The following MVB12B variants were observed in gnomAD, a reference collection of about 807,000 sequenced individuals.
MVB12B encodes ESCRT-I complex subunit MVB12B.
In MVB12B, 16 loss-of-function variants were observed where a neutral mutation model predicts 41.6. That is an observed-to-expected ratio of 0.38 (90% confidence interval 0.26 to 0.58). The LOEUF (loss-of-function observed/expected upper bound fraction) is 0.58, where lower values mean the gene tolerates loss of function less well. Ranked by LOEUF, MVB12B falls within the 20% of genes least tolerant of loss-of-function variation. The pLI is 0.62. For synonymous variants in MVB12B, 133 were observed against 139.7 expected (o/e 0.95, Z 0.34); for missense variants, 274 against 380.2 (o/e 0.72, Z 2.32).
chr9:126,479,342 T>G (rs1439776388), intron 7 of MVB12B, among the ~76,000 whole-genome samples: 1 of 152,136 alleles, frequency 6.6e-6, no homozygotes, highest in Non-Finnish European at 1.5e-5. Context: ...TGGTGGGAGC[T>G]GGCACACCTC....
intron 9 of MVB12B, among the ~76,000 whole-genome samples, chr9:126,496,638 C>T (rs146018738): frequency 2.6e-4 from 40 of 152,176 alleles, no homozygotes; most frequent in African/African-American, 9.2e-4. Flanking sequence ...CTTTAGTGGT[C>T]CTTAAGGACA....
chr9:126,484,135 G>T (rs555224238), intron 9 of MVB12B, 103 bp downstream of exon 9: 1 of 1,071,930 alleles, frequency 9.3e-7, no homozygotes, highest in South Asian at 1.3e-5. Flanking sequence ...AGAGGGACAG[G>T]TGGAGGTGTT....
chr9:126,397,813 A>G (rs924893579), intron 6 of MVB12B, among the ~76,000 whole-genome samples: 4 of 152,182 alleles, frequency 2.6e-5, no homozygotes, highest in Non-Finnish European at 5.9e-5. Flanking sequence ...GACCTAGGAA[A>G]GGATGAGTAT....
At chr9:126,437,692 A>G (rs1234948937) in intron 7 of MVB12B, among the ~76,000 whole-genome samples, 2 of 152,252 alleles carry the variant, frequency 1.3e-5, no homozygotes, top group East Asian at 1.9e-4. Context: ...TAGCGTTGAC[A>G]GGCGGGAGTA....
At chr9:126,465,665 T>C in intron 7 of MVB12B, among the ~76,000 whole-genome samples, 1 of 108,544 alleles carries the variant, frequency 9.2e-6, no homozygotes, top group East Asian at 3.3e-4. Context: ...GCCTCCAGAT[T>C]GGTGGGGGCG....
rs188225417 is a variant in MVB12B at position 126,473,493 on chromosome 9, G to T, written c.758-7876G>T. Among the ~76,000 whole-genome samples, 7 of 152,338 alleles carry T rather than the reference G, an allele frequency of 4.6e-5. No individual in the cohort carries two copies. The East Asian group carries it at 1.4e-3, about 29-fold the overall frequency. The stretch of plus-strand genomic sequence containing the variant: ...GTTCTGCAGGCTGTACAGGAAGCAT[G>T]GCAGCATCTGCTTCTGGGGAGCCCT... On this transcript the variant is annotated intron_variant, in intron 7 of 9. Transcript: ENST00000361171. The surrounding 1 kb of genome is among the most constrained non-coding windows in gnomAD (Gnocchi z 4.0).
intron 2 of MVB12B, among the ~76,000 whole-genome samples, chr9:126,379,952 A>T (rs1330381787): frequency 6.6e-6 from 1 of 152,228 alleles, no homozygotes; most frequent in East Asian, 1.9e-4. Flanking sequence ...GCCATTTGTC[A>T]GGATGGGCGG....
Position 126,429,017 on chromosome 9 carries a change from G to A in MVB12B, c.757+7069G>A, listed in dbSNP as rs531965996. ...AGCGGTGGTGGGTGAGCGTATGGGA[G>A]GGTTGCCCCAGATCTGAGACAGGAA... On this transcript the variant is annotated intron_variant, in intron 7 of 9. Coordinates refer to ENST00000361171, the MANE Select transcript of MVB12B (RefSeq NM_033446.3). 7.2e-5 allele frequency among the ~76,000 whole-genome samples: 11 copies of A among 152,256 alleles called. 1 individual carries two copies. In the South Asian group the frequency reaches 1.7e-3, roughly 23 times the overall value.
At chr9:126,431,748 A>G (rs1393285806) in intron 7 of MVB12B, among the ~76,000 whole-genome samples, 1 of 152,158 alleles carries the variant, frequency 6.6e-6, no homozygotes, top group Non-Finnish European at 1.5e-5. Context: ...TGGGAGCCCA[A>G]ACAGCTGGGT....
At chr9:126,375,325 T>C (rs1377229593) in intron 2 of MVB12B, among the ~76,000 whole-genome samples, 2 of 151,756 alleles carry the variant, frequency 1.3e-5, no homozygotes, top group Non-Finnish European at 2.9e-5. Context: ...ATTTTCACAG[T>C]ACGTTCTTAA....
chr9:126,330,728 C>T (rs1251578622), intron 1 of MVB12B, among the ~76,000 whole-genome samples: 1 of 152,138 alleles, frequency 6.6e-6, no homozygotes, highest in Non-Finnish European at 1.5e-5. Flanking sequence ...CTTGCAAAAC[C>T]GAAACGCTGT....
rs1378070395 is a variant in MVB12B at position 126,391,860 on chromosome 9, G to T, written c.410-206G>T. 6.6e-6 allele frequency among the ~76,000 whole-genome samples: 1 copy of T among 152,206 alleles called. No individual in the cohort carries two copies. Among genetic ancestry groups the T allele is most frequent in the Non-Finnish European group, 1.5e-5 (1 of 68,036 alleles). On this transcript the variant is annotated intron_variant, in intron 4 of 9. Coordinates refer to ENST00000361171, the MANE Select transcript of MVB12B (RefSeq NM_033446.3). The surrounding 1 kb of genome is among the most constrained non-coding windows in gnomAD (Gnocchi z 4.4). The stretch of plus-strand genomic sequence containing the variant: ...TGTGTGGTCCCCTTCTCAGCAGGGG[G>T]TGTCTGGGTTGGGTCCCACATGCAG...
intron 2 of MVB12B, among the ~76,000 whole-genome samples, chr9:126,355,177 A>AT (rs1372212460): frequency 3.3e-5 from 5 of 152,182 alleles, no homozygotes; most frequent in African/African-American, 1.2e-4. Flanking sequence ...TAGGGCCCTT[A>AT]TGCAGGGAAT....
At chr9:126,433,341 T>C (rs1349220126) in intron 7 of MVB12B, among the ~76,000 whole-genome samples, 1 of 152,124 alleles carries the variant, frequency 6.6e-6, no homozygotes, top group Admixed American at 6.5e-5. Context: ...TCCCCTTTGA[T>C]ACACCAGGTA....
Position 126,441,676 on chromosome 9 carries a change from A to T in MVB12B, c.757+19728A>T, listed in dbSNP as rs115198375. 6.9e-3 allele frequency among the ~76,000 whole-genome samples: 1,050 copies of T among 152,280 alleles called. 16 individuals are homozygous for T. The highest frequency in any genetic ancestry group is 0.024 in the African/African-American group (1,003 of 41,590). ...TAATTAGCATCTGGAAATGAGGATT[A>T]TCTTAATTACAAAGCACAATTTCCC... On this transcript the variant is annotated intron_variant, in intron 7 of 9. Transcript: ENST00000361171.
In MVB12B at chr9:126,421,904, G is replaced by A. The variant is rs1374009612; in HGVS notation, c.713G>A (p.Arg238Gln). 9 of 1,613,856 alleles carry A rather than the reference G, an allele frequency of 5.6e-6. No individual in the cohort carries two copies. Among genetic ancestry groups the A allele is most frequent in the East Asian group, 4.5e-5 (2 of 44,866 alleles). The change falls in exon 7 of 10, where the codon CGG becomes CAG. Residue 238 changes from arginine (R) to glutamine (Q), a missense_variant. By Grantham distance (43) the Arg-to-Gln change is conservative. Transcript: ENST00000361171. ...PATFRGRNST[R>Q]TDYEYQHSNL... is the part of the protein sequence containing the mutation. ...ACCTTCCGAGGCAGGAACAGCACCC[G>A]GACGGACTACGAGTACCAGCACTCC...
At chr9:126,493,122 TTC>T (rs1439379985) in intron 9 of MVB12B, among the ~76,000 whole-genome samples, 3 of 152,178 alleles carry the variant, frequency 2.0e-5, no homozygotes, top group Admixed American at 6.5e-5. Flanking sequence ...GTGGGCAATT[TTC>T]TCTGTTTATT....
intron 2 of MVB12B, among the ~76,000 whole-genome samples, chr9:126,344,268 A>G (rs1196575437): frequency 6.6e-6 from 1 of 152,208 alleles, no homozygotes; most frequent in Non-Finnish European, 1.5e-5. Context: ...GTTGCAAATA[A>G]ATAAAAGATG....
intron 1 of MVB12B, among the ~76,000 whole-genome samples, chr9:126,336,823 C>T (rs1829297710): frequency 1.3e-5 from 2 of 152,012 alleles, no homozygotes; most frequent in Non-Finnish European, 2.9e-5. Flanking sequence ...GGGCAGACAA[C>T]ACTGCCTGAA....
Sources: gnomAD v4.1 joint callset for allele counts (sites outside exome capture counted in the v4.1 genomes callset) on GRCh38, gnomAD v4.1.1 for gene constraint, Gnocchi (gnomAD v3.1) non-coding constraint, MANE v1.5 for transcripts, NCBI Gene and HGNC (gene_info 2026-07-23, HGNC 2026-07-21) for gene names.